The following AKT3 variants were observed in gnomAD, a reference collection of about 807,000 sequenced individuals.
The protein encoded by AKT3 is RAC-gamma serine/threonine-protein kinase.
Under a neutral mutation model 65.3 loss-of-function variants are expected in AKT3, and 15 were observed. The observed-to-expected ratio is 0.23, with a 90% CI of 0.15 to 0.35. The LOEUF (loss-of-function observed/expected upper bound fraction) is 0.35. Ranked by LOEUF, AKT3 falls within the 10% of genes least tolerant of loss-of-function variation. The pLI, the probability that AKT3 is intolerant of heterozygous loss-of-function variation, is 1.00. For synonymous variants in AKT3, 206 were observed against 183.8 expected, an observed-to-expected ratio of 1.12 and a Z score of -0.98; for missense variants, 243 against 576.5, an observed-to-expected ratio of 0.42 and a Z score of 5.92.
chr1:243,745,803 C>T (rs1272083777), intron 2 of AKT3, among the ~76,000 whole-genome samples: 2 of 152,162 alleles, frequency 1.3e-5, no homozygotes, highest in Non-Finnish European at 2.9e-5. Context: ...CTCATTTTAT[C>T]ACTGGCACTA....
chr1:243,673,721 TCTC>T (rs1266941034), intron 3 of AKT3, among the ~76,000 whole-genome samples: 1 of 151,288 alleles, frequency 6.6e-6, no homozygotes. Context: ...TTCAAGCAAT[TCTC>T]CTGCCTCAGC....
At chr1:243,607,074 GC>G (rs890682022) in intron 8 of AKT3, among the ~76,000 whole-genome samples, 3 of 152,262 alleles carry the variant, frequency 2.0e-5, no homozygotes, top group African/African-American at 7.2e-5. Context: ...CCAGTCTGCT[GC>G]AGGGGCAGAG....
At chr1:243,824,483 G>A (rs1262241029) in intron 2 of AKT3, among the ~76,000 whole-genome samples, 1 of 151,866 alleles carries the variant, frequency 6.6e-6, no homozygotes, top group Non-Finnish European at 1.5e-5. Context: ...AATGTACAGG[G>A]AGAAAATTTT....
At chr1:243,517,128 G>A (rs1670410698) in intron 12 of AKT3, among the ~76,000 whole-genome samples, 2 of 151,096 alleles carry the variant, frequency 1.3e-5, no homozygotes, top group Non-Finnish European at 3.0e-5. Context: ...AAGAACTTGG[G>A]GATTTTCCAT....
intron 8 of AKT3, among the ~76,000 whole-genome samples, chr1:243,603,578 C>G (rs893632961): frequency 1.3e-5 from 2 of 152,168 alleles, no homozygotes; most frequent in Non-Finnish European, 2.9e-5. Context: ...ACTGTACATA[C>G]TTTCCTCACA....
At chr1:243,808,046 A>G (rs1195183602) in intron 2 of AKT3, 1 of 152,228 alleles carries the variant, frequency 6.6e-6, no homozygotes, top group African/African-American at 2.4e-5. Flanking sequence ...CACCATCATC[A>G]AAGACCAAAG....
At chr1:243,578,146 A>G (rs1183168606) in intron 8 of AKT3, among the ~76,000 whole-genome samples, 2 of 152,164 alleles carry the variant, frequency 1.3e-5, no homozygotes, top group Non-Finnish European at 2.9e-5. Flanking sequence ...TAAGACACAG[A>G]ACCAGAAATA....
intron 2 of AKT3, among the ~76,000 whole-genome samples, chr1:243,803,915 A>G (rs144937838): frequency 6.6e-6 from 1 of 152,300 alleles, no homozygotes; most frequent in East Asian, 1.9e-4. Context: ...ACTGGTGAGA[A>G]GGAGTCTATC....
At position 243,637,758 on chromosome 1, in the gene AKT3, TAA is replaced by T. The variant is rs780927904; in HGVS notation, c.430-18_430-17del. The T allele has an allele frequency of 2.1e-6, 3 of 1,457,992 alleles. No homozygotes were observed. The African/African-American group carries it at 4.3e-5, about 21-fold the overall frequency. 90.3% of individuals were successfully genotyped at this position (1,457,992 alleles called of 1,614,324 possible). A position where few individuals can be genotyped will look rare whatever the true frequency, so the allele number is the denominator to read the frequency against. ...CATTCATTGTCTGAAAAATACAAATTAAAAAATATAATATGAAGTATTTGATG... is the reference window on the plus strand; with the variant it reads ...CATTCATTGTCTGAAAAATACAAATTAAAATATAATATGAAGTATTTGATG... On this transcript the variant is annotated splice_polypyrimidine_tract_variant and intron_variant, in intron 5 of 13. Transcript: ENST00000673466.
At chr1:243,792,776 A>G (rs1691709984) in intron 2 of AKT3, among the ~76,000 whole-genome samples, 1 of 152,214 alleles carries the variant, frequency 6.6e-6, no homozygotes, top group Non-Finnish European at 1.5e-5. Flanking sequence ...TTTCACTCAA[A>G]AACAGGTTTC....
At chr1:243,784,048 C>A (rs1331463118) in intron 2 of AKT3, among the ~76,000 whole-genome samples, 1 of 151,660 alleles carries the variant, frequency 6.6e-6, no homozygotes, top group Non-Finnish European at 1.5e-5. Flanking sequence ...CAGAGACAGC[C>A]AACAAAAATA....
chr1:243,656,564 A>G (rs1681810045), intron 4 of AKT3, among the ~76,000 whole-genome samples: 2 of 152,242 alleles, frequency 1.3e-5, no homozygotes. Context: ...GTGAAAAATG[A>G]ATTGGTACTT....
intron 2 of AKT3, among the ~76,000 whole-genome samples, chr1:243,781,913 T>C (rs892264617): frequency 2.0e-5 from 3 of 152,096 alleles, no homozygotes; most frequent in Non-Finnish European, 2.9e-5. Flanking sequence ...GCCTCGACCT[T>C]CTGAGCCCAA....
chr1:243,703,760 C>CAAAAA (rs370671685), intron 2 of AKT3, among the ~76,000 whole-genome samples: 3 of 78,372 alleles, frequency 3.8e-5, no homozygotes, highest in African/African-American at 1.7e-4. Flanking sequence ...GACTCCATCT[C>CAAAAA]AAAAAAAAAA....
At chr1:243,569,961 C>G (rs1015241368) in intron 9 of AKT3, among the ~76,000 whole-genome samples, 2 of 152,154 alleles carry the variant, frequency 1.3e-5, no homozygotes, top group Non-Finnish European at 2.9e-5. Flanking sequence ...AATCATGAAG[C>G]AACAGCAGTT....
At chr1:243,522,072 T>G (rs1210861367) in intron 12 of AKT3, among the ~76,000 whole-genome samples, 1 of 152,186 alleles carries the variant, frequency 6.6e-6, no homozygotes. Flanking sequence ...GGGAGCCTTT[T>G]TAAAAGGCAT....
intron 2 of AKT3, among the ~76,000 whole-genome samples, chr1:243,809,822 T>C (rs1467812956): frequency 6.6e-6 from 1 of 152,192 alleles, no homozygotes; most frequent in Non-Finnish European, 1.5e-5. Context: ...ACAGAAATTA[T>C]AACAAACTGT....
intron 13 of AKT3, among the ~76,000 whole-genome samples, chr1:243,493,846 A>G (rs931550804): frequency 3.3e-5 from 5 of 151,844 alleles, no homozygotes; most frequent in African/African-American, 1.2e-4. Context: ...GACACAGAAG[A>G]TGATGAAGGG....
intron 2 of AKT3, among the ~76,000 whole-genome samples, chr1:243,782,428 C>G (rs1307691384): frequency 6.6e-6 from 1 of 152,160 alleles, no homozygotes; most frequent in African/African-American, 2.4e-5. Context: ...ATAGATGGCA[C>G]CCTTCTTGTT....
Sources: gnomAD v4.1 joint callset for allele counts (sites outside exome capture counted in the v4.1 genomes callset) on GRCh38, gnomAD v4.1.1 for gene constraint, MANE v1.5 for transcripts, NCBI Gene and HGNC (gene_info 2026-07-23, HGNC 2026-07-21) for gene names.